ADGRG4: variants seen among roughly 807,000 people sequenced by gnomAD.
ADGRG4 encodes the protein adhesion G protein-coupled receptor G4.
ADGRG4 carries 122 observed loss-of-function variants against 126.2 expected under a neutral mutation model. The ratio of observed to expected loss-of-function variants is 0.97; its 90% CI spans 0.83 to 1.12. The LOEUF (loss-of-function observed/expected upper bound fraction) is 1.12. Ranked by LOEUF, ADGRG4 falls within the 50% of genes most tolerant of loss-of-function variation. ADGRG4 has a pLI of 0.00. For missense variants in ADGRG4, 2,481 were observed against 2,251.8 expected (o/e 1.10, Z -2.06); for synonymous variants, 943 against 838.7 (o/e 1.12, Z -2.15).
At chrX:136,363,437 C>T in intron 12 of ADGRG4, 40 bp from the exon 13 acceptor site, 4 of 907,129 alleles carry the variant, frequency 4.4e-6, no homozygotes, top group Non-Finnish European at 6.5e-6. Context: ...CTATCTTTGC[C>T]TCATCCTCTG....
At chrX:136,407,036 TGA>T in intron 23 of ADGRG4, among the ~76,000 whole-genome samples, 1 of 112,081 alleles carries the variant, frequency 8.9e-6, no homozygotes, top group East Asian at 2.8e-4. Context: ...TGATTTTGTG[TGA>T]GTCTCTAATT....
chrX:136,335,611 G>A (rs1603293509), intron 5 of ADGRG4, among the ~76,000 whole-genome samples: 1 of 111,203 alleles, frequency 9.0e-6, no homozygotes, highest in African/African-American at 3.3e-5. Context: ...GGGTTTTGAG[G>A]AGTTGTCTAT....
chrX:136,387,690 A>G (rs780562670), intron 15 of ADGRG4, 50 bp from the exon 16 acceptor site: 2 of 1,163,160 alleles, frequency 1.7e-6, no homozygotes, highest in South Asian at 3.9e-5. Flanking sequence ...GCAGGACTTC[A>G]CTATGATGAA....
At chrX:136,395,291 T>C in intron 18 of ADGRG4, 99 bp from the exon 19 acceptor site, 1 of 460,323 alleles carries the variant, frequency 2.2e-6, no homozygotes, top group African/African-American at 2.4e-5. Flanking sequence ...CAGCAAATAA[T>C]ATTAATTATA....
intron 4 of ADGRG4, among the ~76,000 whole-genome samples, chrX:136,309,503 A>G (rs2074754510): frequency 8.9e-6 from 1 of 112,585 alleles, no homozygotes; most frequent in Admixed American, 9.4e-5. Context: ...AGTTTGTAGC[A>G]TTGCTTATTT....
intron 7 of ADGRG4, 88 bp downstream of exon 7, chrX:136,351,629 G>T: frequency 2.7e-6 from 1 of 377,176 alleles, no homozygotes; most frequent in Non-Finnish European, 4.2e-6. Flanking sequence ...TTAAAACTAG[G>T]CTTTACTTTT....
intron 13 of ADGRG4, among the ~76,000 whole-genome samples, chrX:136,364,979 A>C (rs1029210324): frequency 2.7e-5 from 3 of 111,975 alleles, no homozygotes; most frequent in Admixed American, 9.5e-5. Flanking sequence ...TAATAGTTAC[A>C]GCAATTTAGA....
At chrX:136,385,911 G>T (rs2075290186) in intron 15 of ADGRG4, among the ~76,000 whole-genome samples, 1 of 111,407 alleles carries the variant, frequency 9.0e-6, no homozygotes, top group Non-Finnish European at 1.9e-5. Context: ...CAGAATTTTG[G>T]ATCCCGCTTT....
At chrX:136,387,469 G>A (rs1225238819) in intron 15 of ADGRG4, among the ~76,000 whole-genome samples, 3 of 111,926 alleles carry the variant, frequency 2.7e-5, no homozygotes, top group African/African-American at 9.8e-5. Context: ...TTACCCAGGT[G>A]AAAGGAGATC....
intron 5 of ADGRG4, 112 bp downstream of exon 5, chrX:136,323,504 C>T: frequency 6.6e-6 from 4 of 607,237 alleles, no homozygotes; most frequent in Non-Finnish European, 1.0e-5. Context: ...ATGAGGAGCA[C>T]ATACTGTTTT....
At chrX:136,302,280 C>T (rs774375910) in intron 1 of ADGRG4, among the ~76,000 whole-genome samples, 1 of 111,653 alleles carries the variant, frequency 9.0e-6, no homozygotes, top group South Asian at 3.8e-4. Context: ...TTGTGGTTCT[C>T]CTTGAAGAGG....
chrX:136,393,525 T>C lies in ADGRG4; in HGVS notation c.8035-10T>C. ...GGCAAGATGTTTACCTCTGATTTCTTTTTTTCCAGAATTATGGTCAAGTTC... is the reference window on the plus strand; with the variant it reads ...GGCAAGATGTTTACCTCTGATTTCTCTTTTTCCAGAATTATGGTCAAGTTC... On this transcript the variant is annotated splice_polypyrimidine_tract_variant and intron_variant, in intron 17 of 25. Transcript: ENST00000394143. The C allele has an allele frequency of 1.7e-6, 2 of 1,196,555 alleles. No individual in the cohort carries two copies. Among genetic ancestry groups the C allele is most frequent in the Non-Finnish European group, 2.3e-6 (2 of 882,705 alleles).
At position 136,405,912 on chromosome X, in the gene ADGRG4, GCTTGGGGA is replaced by G. The variant is rs759741562; in HGVS notation, c.8877_8884del (p.Trp2960HisfsTer13). ...CCTCACCTGGGGGTTTGCATTTTTT[GCTTGGGGA>G]CCCATGAGGAACTTTTTCTTGTATT... On this transcript the variant is annotated frameshift_variant, in exon 23 of 26. Coordinates refer to ENST00000394143, the MANE Select transcript of ADGRG4 (RefSeq NM_153834.4). LOFTEE classifies it high-confidence loss of function. 4 of 1,173,793 alleles carry G rather than the reference GCTTGGGGA, an allele frequency of 3.4e-6. No homozygotes were observed. The highest frequency in any genetic ancestry group is 4.6e-6 in the Non-Finnish European group (4 of 875,437).
intron 7 of ADGRG4, among the ~76,000 whole-genome samples, chrX:136,353,000 G>A (rs1398308596): frequency 1.8e-5 from 2 of 111,469 alleles, no homozygotes; most frequent in Non-Finnish European, 1.9e-5. Flanking sequence ...CTGTGCATAC[G>A]CATCCCTGGT....
intron 23 of ADGRG4, among the ~76,000 whole-genome samples, chrX:136,408,157 T>C (rs931682384): frequency 8.9e-6 from 1 of 112,037 alleles, no homozygotes; most frequent in Non-Finnish European, 1.9e-5. Context: ...TGGTGGAAAG[T>C]AGCATCTAAG....
Position 136,348,532 on chromosome X carries a change from A to T in ADGRG4, c.4826A>T (p.Asp1609Val). 8.3e-7 allele frequency: 1 copy of T among 1,207,531 alleles called. No individual in the cohort carries two copies. The highest frequency in any genetic ancestry group is 2.2e-5 in the Admixed American group (1 of 45,928). ...TTMTMQTSTLDVTPVIYAGAT... is the reference protein window; with the variant it reads ...TTMTMQTSTLVVTPVIYAGAT... The stretch of plus-strand genomic sequence containing the variant: ...ATGACCATGCAAACATCTACATTGG[A>T]TGTCACACCTGTGATATATGCTGGG... The change falls in exon 6 of 26, where the codon GAT becomes GTT. Residue 1609 changes from aspartate to valine, a missense_variant. By Grantham distance (152) the Asp-to-Val change is radical (BLOSUM62 -3). Transcript: ENST00000394143.
intron 5 of ADGRG4, among the ~76,000 whole-genome samples, chrX:136,342,433 G>A (rs1465381452): frequency 2.7e-5 from 3 of 111,841 alleles, no homozygotes; most frequent in Non-Finnish European, 5.6e-5. Context: ...GTGGTCTAGC[G>A]AGGAAGACAG....
At chrX:136,343,582 G>A (rs1369303380) in intron 5 of ADGRG4, among the ~76,000 whole-genome samples, 1 of 111,302 alleles carries the variant, frequency 9.0e-6, no homozygotes, top group African/African-American at 3.3e-5. Flanking sequence ...AGGAGAAAAC[G>A]CAGGAGTGTG....
chrX:136,407,561 A>G (rs193057101), intron 23 of ADGRG4, among the ~76,000 whole-genome samples: 1 of 112,006 alleles, frequency 8.9e-6, no homozygotes, highest in Admixed American at 9.4e-5. Context: ...TCAAGAAACT[A>G]TCTTATTTTA....
Sources: allele counts gnomAD v4.1 joint callset (sites outside exome capture counted in the v4.1 genomes callset), GRCh38; gene constraint gnomAD v4.1.1; transcripts MANE v1.5; gene names NCBI Gene and HGNC (gene_info 2026-07-23, HGNC 2026-07-21).